Variants in ARHGEF10L observed in about 807,000 individuals in gnomAD.
ARHGEF10L encodes Rho guanine nucleotide exchange factor 10 like, also known as rho guanine nucleotide exchange factor 10-like protein.
In ARHGEF10L, 69 loss-of-function variants were observed where a neutral mutation model predicts 141.2. The observed-to-expected ratio is 0.49, with a 90% CI of 0.40 to 0.60. The LOEUF is 0.60. Among genes scored for constraint, ARHGEF10L ranks in the 20% least tolerant of loss-of-function variants. The probability of loss-of-function intolerance (pLI) is 0.00; values close to 1 mark genes in which losing one functional copy is unlikely to be tolerated. For synonymous variants in ARHGEF10L, 711 were observed against 718.5 expected (o/e 0.99, Z 0.17); for missense variants, 1,482 against 1,734.3 (o/e 0.85, Z 2.58).
At chr1:17,632,596 T>C (rs1477716815) in intron 16 of ARHGEF10L, 130 bp downstream of exon 16, 1 of 1,219,192 alleles carries the variant, frequency 8.2e-7, no homozygotes, top group Non-Finnish European at 1.2e-6. Context: ...CCAATATTCC[T>C]CTCCCATCCC....
intron 27 of ARHGEF10L, chr1:17,694,237 G>A (rs886209411): frequency 6.5e-6 from 1 of 152,756 alleles, no homozygotes; most frequent in African/African-American, 2.4e-5. Flanking sequence ...ATGGTCTGTT[G>A]TTGACTGAAA....
At chr1:17,572,786 T>C (rs1230043682) in intron 1 of ARHGEF10L, among the ~76,000 whole-genome samples, 1 of 152,110 alleles carries the variant, frequency 6.6e-6, no homozygotes, top group Admixed American at 6.5e-5. Context: ...TGGGGAAGGA[T>C]GAGTGGCTTA....
chr1:17,525,408 C>T, the ARHGEF10L span, among the ~76,000 whole-genome samples: 3 of 152,318 alleles, frequency 2.0e-5, no homozygotes, highest in South Asian at 4.1e-4. Context: ...CTGCTCCCCA[C>T]GCCATTCTTC....
At position 17,668,105 on chromosome 1, in the gene ARHGEF10L, C is replaced by T. The variant is rs1459200745; in HGVS notation, c.3009+3510C>T. ...GGAGGACAAACCGAGAACATTCAAG[C>T]GAAAGGGCCGTTTCACACGGTCTTG... On this transcript the variant is annotated intron_variant, in intron 26 of 28. Coordinates refer to ENST00000361221, the MANE Select transcript of ARHGEF10L (RefSeq NM_018125.4). 4.6e-5 allele frequency among the ~76,000 whole-genome samples: 7 copies of T among 152,300 alleles called. No homozygotes were observed. In the East Asian group the frequency reaches 1.2e-3, roughly 25 times the overall value.
In ARHGEF10L at chr1:17,616,810, G is replaced by A. The variant is rs563306441; in HGVS notation, c.835+608G>A. ...GGAAGGAGGAGGCACAGGTCACCAG[G>A]CAGAGCGGAGTGGGTGCTCTGGGAA... On this transcript the variant is annotated intron_variant, in intron 9 of 28. Coordinates refer to ENST00000361221, the MANE Select transcript of ARHGEF10L (RefSeq NM_018125.4). 2.8e-4 allele frequency among the ~76,000 whole-genome samples: 42 copies of A among 152,230 alleles called. 1 individual carries two copies. Among genetic ancestry groups the A allele is most frequent in the Non-Finnish European group, 4.0e-4 (27 of 68,038 alleles).
intron 25 of ARHGEF10L, among the ~76,000 whole-genome samples, chr1:17,661,650 T>A (rs1162096902): frequency 2.0e-5 from 3 of 152,152 alleles, no homozygotes; most frequent in Admixed American, 6.5e-5. Context: ...TTTCTCAGCA[T>A]CCCTAGCTGC....
rs999672131 is a variant in ARHGEF10L at position 17,619,043 on chromosome 1, C to T, written c.836-296C>T. Among the ~76,000 whole-genome samples, 1 of 152,334 alleles carries T rather than the reference C, an allele frequency of 6.6e-6. No individual in the cohort carries two copies. Among genetic ancestry groups the T allele is most frequent in the African/African-American group, 2.4e-5 (1 of 41,574 alleles). Reference sequence around the variant, plus strand: ...CCTGAGCAGGGACAGTGGCTTCTGGCAGCATGGACGCCGAGAACCCAGGCC... The same window carrying T: ...CCTGAGCAGGGACAGTGGCTTCTGGTAGCATGGACGCCGAGAACCCAGGCC... On this transcript the variant is annotated intron_variant, in intron 9 of 28. Transcript: ENST00000361221. This position sits in a 1 kb window ranked among gnomAD's most constrained non-coding sequence, Gnocchi z 5.0.
At chr1:17,526,151 A>G in the ARHGEF10L span, among the ~76,000 whole-genome samples, 3 of 151,730 alleles carry the variant, frequency 2.0e-5, no homozygotes, top group Non-Finnish European at 4.4e-5. Flanking sequence ...ATGGCTCCCC[A>G]GTGCCCTCTC....
the ARHGEF10L span, among the ~76,000 whole-genome samples, chr1:17,532,837 T>A: frequency 6.6e-6 from 1 of 152,074 alleles, no homozygotes; most frequent in South Asian, 2.1e-4. Context: ...TCAGGTGATC[T>A]GCCTGCCTCG....
chr1:17,531,252 G>C, the ARHGEF10L span, among the ~76,000 whole-genome samples: 1 of 152,148 alleles, frequency 6.6e-6, no homozygotes, highest in Non-Finnish European at 1.5e-5. Context: ...GCAGAGGGAA[G>C]GGGCTCCGGG....
chr1:17,532,446 C>T, the ARHGEF10L span, among the ~76,000 whole-genome samples: 1 of 152,162 alleles, frequency 6.6e-6, no homozygotes, highest in Non-Finnish European at 1.5e-5. Flanking sequence ...GAGGAGGCTG[C>T]AGATACCCCT....
intron 21 of ARHGEF10L, 94 bp downstream of exon 21, chr1:17,640,396 C>A: frequency 9.3e-7 from 1 of 1,072,210 alleles, no homozygotes; most frequent in South Asian, 1.5e-5. Flanking sequence ...TGTTCGGGGT[C>A]AGCGGGGGGC....
At chr1:17,651,320 A>G (rs1332184285) in intron 22 of ARHGEF10L, among the ~76,000 whole-genome samples, 1 of 152,202 alleles carries the variant, frequency 6.6e-6, no homozygotes, top group African/African-American at 2.4e-5. Context: ...TAGATGGCGT[A>G]TGCCAGATGG....
chr1:17,562,905 G>A (rs2256375), intron 1 of ARHGEF10L, among the ~76,000 whole-genome samples: 7,986 of 152,160 alleles, frequency 0.052, 248 homozygotes, highest in Non-Finnish European at 0.064. Flanking sequence ...CGTGGGAGCC[G>A]GGGGTCTGGG....
At chr1:17,609,023 T>C (rs1570874527) in intron 7 of ARHGEF10L, among the ~76,000 whole-genome samples, 2 of 152,322 alleles carry the variant, frequency 1.3e-5, no homozygotes, top group Middle Eastern at 3.4e-3. Context: ...CCTCAAGTGA[T>C]CCACCTGCCT....
chr1:17,553,469 C>T (rs34057817), intron 1 of ARHGEF10L, among the ~76,000 whole-genome samples: 3,075 of 152,186 alleles, frequency 0.02, 54 homozygotes, highest in East Asian at 0.084. Flanking sequence ...GGAAACAATT[C>T]AGTGAACCCT....
intron 1 of ARHGEF10L, among the ~76,000 whole-genome samples, chr1:17,568,586 C>T (rs2077859276): frequency 6.6e-6 from 1 of 152,184 alleles, no homozygotes; most frequent in Non-Finnish European, 1.5e-5. Context: ...GTGTCTCTGC[C>T]TGCAGGATGT....
chr1:17,693,695 G>A (rs2102590607), intron 27 of ARHGEF10L, among the ~76,000 whole-genome samples: 1 of 152,286 alleles, frequency 6.6e-6, no homozygotes, highest in East Asian at 1.9e-4. Context: ...ATACGTCTTG[G>A]CTGTTGCAAG....
intron 4 of ARHGEF10L, among the ~76,000 whole-genome samples, chr1:17,589,542 G>A (rs547244270): frequency 6.6e-6 from 1 of 152,230 alleles, no homozygotes; most frequent in African/African-American, 2.4e-5. Context: ...AGAGATGCAG[G>A]TTGCAGGCCC....
Sources: allele counts gnomAD v4.1 joint callset (sites outside exome capture counted in the v4.1 genomes callset), GRCh38; gene constraint gnomAD v4.1.1; non-coding constraint Gnocchi (gnomAD v3.1); transcripts MANE v1.5; gene names NCBI Gene and HGNC (gene_info 2026-07-23, HGNC 2026-07-21).